GRM8: variants seen among roughly 807,000 people sequenced by gnomAD.
The protein encoded by GRM8 is metabotropic glutamate receptor 8.
A neutral mutation model predicts 87.2 loss-of-function variants in GRM8; 47 were observed. That is an observed-to-expected ratio of 0.54 (90% CI 0.43 to 0.69). The LOEUF is 0.69. Among genes scored for constraint, GRM8 ranks in the 30% least tolerant of loss-of-function variants. GRM8 has a pLI of 0.00. For missense variants in GRM8, 1,019 were observed against 1,139.2 expected (o/e 0.89, Z 1.52); for synonymous variants, 396 against 404.5 (o/e 0.98, Z 0.25).
At chr7:126,604,727 C>A (rs1193930203) in intron 8 of GRM8, among the ~76,000 whole-genome samples, 1 of 152,140 alleles carries the variant, frequency 6.6e-6, no homozygotes, top group Non-Finnish European at 1.5e-5. Flanking sequence ...TATTACAATG[C>A]ATCTACTATT....
At chr7:126,894,026 T>G (rs757817370) in intron 6 of GRM8, among the ~76,000 whole-genome samples, 7 of 152,070 alleles carry the variant, frequency 4.6e-5, no homozygotes, top group Non-Finnish European at 8.8e-5. Flanking sequence ...AGATAAAACA[T>G]AGAGAAGAAA....
chr7:126,892,302 A>G (rs2131100028), intron 6 of GRM8, among the ~76,000 whole-genome samples: 1 of 151,778 alleles, frequency 6.6e-6, no homozygotes, highest in East Asian at 1.9e-4. Context: ...AAACCCCACA[A>G]CGGTCCCCAG....
At chr7:127,239,949 C>T (rs907745037) in intron 2 of GRM8, among the ~76,000 whole-genome samples, 6 of 152,142 alleles carry the variant, frequency 3.9e-5, no homozygotes, top group African/African-American at 1.4e-4. Context: ...AGGTTAAACG[C>T]GCACTCTGGA....
At position 126,924,909 on chromosome 7, in the gene GRM8, C is replaced by T. The variant is rs143254338; in HGVS notation, c.728-20226G>A. ...TCCAGGAAAACAAGTCCCCAGTGAA[C>T]GTCCTGGAAACTCAGCAGGCAAGAC... On this transcript the variant is annotated intron_variant, in intron 3 of 10. Transcript: ENST00000339582. Among the ~76,000 whole-genome samples the T allele has an allele frequency of 8.5e-4, 129 of 152,130 alleles. 2 individuals carry two copies. The highest frequency in any genetic ancestry group is 2.9e-3 in the African/African-American group (119 of 41,486).
chr7:127,003,741 C>T (rs1813976247), intron 3 of GRM8, among the ~76,000 whole-genome samples: 1 of 151,568 alleles, frequency 6.6e-6, no homozygotes, highest in Admixed American at 6.6e-5. Flanking sequence ...TGAAAATGAC[C>T]AATCCAGCAT....
intron 7 of GRM8, among the ~76,000 whole-genome samples, chr7:126,712,387 G>A (rs1318274149): frequency 1.3e-5 from 2 of 152,050 alleles, no homozygotes; most frequent in Non-Finnish European, 2.9e-5. Flanking sequence ...CACCATAAGA[G>A]ATGTAATAAT....
At chr7:126,547,882 C>T (rs952268243) in intron 8 of GRM8, among the ~76,000 whole-genome samples, 3 of 142,752 alleles carry the variant, frequency 2.1e-5, no homozygotes, top group African/African-American at 5.2e-5. Flanking sequence ...TTCTGGAGAA[C>T]GAAAGAAACA....
At chr7:127,246,406 A>G (rs1587369372) in intron 1 of GRM8, among the ~76,000 whole-genome samples, 1 of 152,204 alleles carries the variant, frequency 6.6e-6, no homozygotes, top group South Asian at 2.1e-4. Context: ...TGCCTCTGAC[A>G]TGTGGCAGAA....
At chr7:126,948,135 G>C (rs1223438100) in intron 3 of GRM8, among the ~76,000 whole-genome samples, 2 of 152,136 alleles carry the variant, frequency 1.3e-5, no homozygotes, top group African/African-American at 2.4e-5. Context: ...GGAGCTCACA[G>C]CTCGGTGGAA....
At chr7:127,230,457 CCT>C (rs1307386156) in intron 2 of GRM8, among the ~76,000 whole-genome samples, 2 of 152,138 alleles carry the variant, frequency 1.3e-5, no homozygotes, top group Non-Finnish European at 2.9e-5. Flanking sequence ...CCTCTCCCGG[CCT>C]CTCAGTTTGC....
intron 3 of GRM8, among the ~76,000 whole-genome samples, chr7:127,025,752 C>T (rs1816717054): frequency 6.6e-6 from 1 of 152,034 alleles, no homozygotes; most frequent in Non-Finnish European, 1.5e-5. Flanking sequence ...TCTCTATTAG[C>T]TGTATCATTG....
At chr7:126,636,436 T>C (rs1801860908) in intron 7 of GRM8, among the ~76,000 whole-genome samples, 2 of 152,046 alleles carry the variant, frequency 1.3e-5, no homozygotes, top group African/African-American at 4.8e-5. Context: ...TTATACCTAA[T>C]ACAAGGTAAA....
chr7:126,540,965 T>C (rs981071044), intron 8 of GRM8, among the ~76,000 whole-genome samples: 1 of 152,210 alleles, frequency 6.6e-6, no homozygotes, highest in Non-Finnish European at 1.5e-5. Context: ...ACTATTTAAG[T>C]AGATATTTTC....
chr7:127,047,907 T>C (rs968479286), intron 3 of GRM8, among the ~76,000 whole-genome samples: 10 of 152,296 alleles, frequency 6.6e-5, no homozygotes, highest in African/African-American at 2.2e-4. Context: ...CTGTCCAACA[T>C]TTTTTTCAAT....
intron 3 of GRM8, among the ~76,000 whole-genome samples, chr7:127,079,280 G>A (rs546633120): frequency 1.4e-4 from 22 of 152,064 alleles, no homozygotes; most frequent in African/African-American, 4.1e-4. Context: ...CCATCACCAC[G>A]CCTGGCTAAT....
rs892308967 is a variant in GRM8, at chr7:126,500,075, G to C, written c.2430+32877C>G. Among the ~76,000 whole-genome samples, 10 of 151,656 alleles carry C rather than the reference G, an allele frequency of 6.6e-5. No individual in the cohort carries two copies. In the East Asian group the frequency reaches 2.0e-3, roughly 30 times the overall value. ...GTACTTATGATTTCTTTATGATGAAGACATTTAAAGTCCACTCTTTCAGCC... is the reference window on the plus strand; with the variant it reads ...GTACTTATGATTTCTTTATGATGAACACATTTAAAGTCCACTCTTTCAGCC... On this transcript the variant is annotated intron_variant, in intron 9 of 10. Coordinates refer to ENST00000339582, the MANE Select transcript of GRM8 (RefSeq NM_000845.3).
chr7:127,234,498 A>G (rs1797873571), intron 2 of GRM8, among the ~76,000 whole-genome samples: 1 of 152,218 alleles, frequency 6.6e-6, no homozygotes. Flanking sequence ...GTGTGTGTCA[A>G]AAGAAAAAAG....
intron 7 of GRM8, among the ~76,000 whole-genome samples, chr7:126,720,986 G>A (rs1812332215): frequency 2.0e-5 from 3 of 152,118 alleles, no homozygotes; most frequent in Admixed American, 2.0e-4. Context: ...TCAGTGTGTT[G>A]GCCATTCTAC....
chr7:127,029,046 C>T (rs1281254341), intron 3 of GRM8, among the ~76,000 whole-genome samples: 9 of 152,124 alleles, frequency 5.9e-5, no homozygotes, highest in Admixed American at 5.9e-4. Context: ...TCTTTGTTCT[C>T]ATTGGTTTCA....
Sources: allele counts gnomAD v4.1 joint callset (sites outside exome capture counted in the v4.1 genomes callset), GRCh38; gene constraint gnomAD v4.1.1; transcripts MANE v1.5; gene names NCBI Gene and HGNC (gene_info 2026-07-23, HGNC 2026-07-21).